FER: variants seen among roughly 807,000 people sequenced by gnomAD.
FER encodes the protein FER tyrosine kinase, also known as tyrosine-protein kinase Fer.
In FER, 63 loss-of-function variants were observed where a neutral mutation model predicts 111.0. That is an observed-to-expected ratio of 0.57 (90% CI 0.46 to 0.70). The LOEUF (loss-of-function observed/expected upper bound fraction) is 0.70. Among genes scored for constraint, FER ranks in the 30% least tolerant of loss-of-function variants. FER has a pLI of 0.00. For missense variants in FER, 914 were observed against 954.0 expected (o/e 0.96, Z 0.55); for synonymous variants, 327 against 313.9 (o/e 1.04, Z -0.44).
At chr5:109,079,792 A>C (rs1053754436) in intron 16 of FER, among the ~76,000 whole-genome samples, 1 of 152,118 alleles carries the variant, frequency 6.6e-6, no homozygotes, top group Non-Finnish European at 1.5e-5. Context: ...TTCCCTGCTT[A>C]AACTGCCCTG....
intron 13 of FER, among the ~76,000 whole-genome samples, chr5:108,999,732 G>A (rs1764474144): frequency 6.7e-6 from 1 of 149,078 alleles, no homozygotes; most frequent in South Asian, 2.1e-4. Flanking sequence ...CATCCTGGTA[G>A]GTATGGTTTC....
chr5:109,048,018 C>T (rs1772239903), intron 16 of FER, among the ~76,000 whole-genome samples: 1 of 152,018 alleles, frequency 6.6e-6, no homozygotes. Context: ...ATAAGCTTTA[C>T]AAATAGAGTA....
intron 18 of FER, among the ~76,000 whole-genome samples, chr5:109,181,337 G>T (rs1758272491): frequency 6.6e-6 from 1 of 152,164 alleles, no homozygotes; most frequent in African/African-American, 2.4e-5. Context: ...TAGCATCTCA[G>T]TCTGTGGAAC....
chr5:109,028,403 A>T (rs962867362), intron 13 of FER, among the ~76,000 whole-genome samples: 2 of 152,228 alleles, frequency 1.3e-5, no homozygotes, highest in East Asian at 1.9e-4. Context: ...TTTATAACCC[A>T]TTGTGTTTCA....
At chr5:108,867,117 A>T (rs1161212518) in intron 5 of FER, among the ~76,000 whole-genome samples, 1 of 151,998 alleles carries the variant, frequency 6.6e-6, no homozygotes. Context: ...CCATGTATTC[A>T]CTCAATATTG....
chr5:108,923,678 A>T (rs1366780108), intron 10 of FER, among the ~76,000 whole-genome samples: 1 of 152,168 alleles, frequency 6.6e-6, no homozygotes, highest in African/African-American at 2.4e-5. Flanking sequence ...CCGATTAAAC[A>T]TTTATGGTTT....
intron 3 of FER, among the ~76,000 whole-genome samples, chr5:108,823,253 A>C (rs927532629): frequency 2.4e-4 from 36 of 152,220 alleles, no homozygotes; most frequent in African/African-American, 8.4e-4. Context: ...ATGAGATTAC[A>C]GGTATCTTTT....
Position 109,194,329 on chromosome 5 carries a change from C to G in FER, c.*6754C>G, listed in dbSNP as rs987569716. 2.0e-5 allele frequency: 3 copies of G among 152,076 alleles called. No homozygotes were observed. The highest frequency in any genetic ancestry group is 1.3e-4 in the Admixed American group (2 of 15,266). The allele number at this position is 152,076 out of a possible 1,614,324, so 9.4% of individuals were successfully genotyped here. ...AGAAAAGAGGGCAGCAAATATGAAG[C>G]CTTAAGTTCAAAATAAGTCATTCTA... is the stretch of plus-strand genomic sequence containing the variant. On this transcript the variant is annotated 3_prime_UTR_variant, in exon 20 of 20. Transcript: ENST00000281092.
At chr5:108,895,846 T>G (rs1348502820) in intron 9 of FER, among the ~76,000 whole-genome samples, 1 of 152,190 alleles carries the variant, frequency 6.6e-6, no homozygotes, top group Non-Finnish European at 1.5e-5. Flanking sequence ...TTGAATTATA[T>G]TCAGATGTTC....
intron 1 of FER, among the ~76,000 whole-genome samples, chr5:108,766,987 A>G (rs887069270): frequency 6.6e-6 from 1 of 152,216 alleles, no homozygotes; most frequent in Non-Finnish European, 1.5e-5. Context: ...TTCAAGGATC[A>G]TACTTTGGCA....
intron 17 of FER, among the ~76,000 whole-genome samples, chr5:109,156,115 GA>G (rs935797034): frequency 2.0e-5 from 3 of 152,020 alleles, no homozygotes; most frequent in African/African-American, 7.2e-5. Context: ...GCTAAGAAAT[GA>G]TAAGATTTGT....
chr5:109,066,125 TTC>T (rs1775062624), intron 16 of FER, among the ~76,000 whole-genome samples: 1 of 152,218 alleles, frequency 6.6e-6, no homozygotes, highest in African/African-American at 2.4e-5. Context: ...CTTTTTCTTC[TTC>T]TGTGTTTGTC....
intron 17 of FER, among the ~76,000 whole-genome samples, chr5:109,121,113 T>C (rs956558203): frequency 3.3e-5 from 5 of 152,042 alleles, no homozygotes; most frequent in African/African-American, 1.2e-4. Flanking sequence ...TTGCTCTAGC[T>C]AGGAATTCCA....
chr5:108,863,974 T>C (rs1315441079), intron 5 of FER, among the ~76,000 whole-genome samples: 1 of 152,234 alleles, frequency 6.6e-6, no homozygotes. Flanking sequence ...CCTGCCACTC[T>C]AGTTTTAGAA....
chr5:109,165,593 GGTGTGTGTGTGTGTGTGTGTGT>G (rs66749153), intron 17 of FER, among the ~76,000 whole-genome samples: 4 of 142,350 alleles, frequency 2.8e-5, no homozygotes, highest in East Asian at 2.1e-4. Flanking sequence ...GGAGGGAACT[GGTGTGTGTGTGTGTGTGTGTGT>G]GTGTGTGTGT....
chr5:108,831,778 A>G lies in FER; in HGVS notation c.208-992A>G, dbSNP rs80150679. ...AATTTTGATTTTTGATTACATTGGA[A>G]TATTAACAGAAGGAAAATAATTCTG... On this transcript the variant is annotated intron_variant, in intron 3 of 19. Transcript: ENST00000281092. Among the ~76,000 whole-genome samples the G allele has an allele frequency of 6.6e-3, 1,001 of 152,350 alleles. 2 individuals are homozygous for G. Among genetic ancestry groups the G allele is most frequent in the Non-Finnish European group, 0.011 (774 of 68,030 alleles).
intron 13 of FER, among the ~76,000 whole-genome samples, chr5:108,966,240 A>T (rs1397881891): frequency 2.6e-5 from 4 of 152,164 alleles, no homozygotes; most frequent in African/African-American, 9.7e-5. Context: ...GGAAATGGGC[A>T]TAGGCAGGTA....
In FER at chr5:108,885,636, T is replaced by G. The variant is rs542142977; in HGVS notation, c.1046+2118T>G. Among the ~76,000 whole-genome samples the G allele has an allele frequency of 2.6e-5, 4 of 151,922 alleles. No individual in the cohort carries two copies. The South Asian group carries it at 8.3e-4, about 32-fold the overall frequency. ...AAGAGGGTAAGAGCTCCCCGGGATC[T>G]CTTTTATAATGGCACTAATCCCATT... On this transcript the variant is annotated intron_variant, in intron 9 of 19. Transcript: ENST00000281092.
chr5:108,873,513 T>C (rs1764806286), intron 8 of FER, among the ~76,000 whole-genome samples: 1 of 152,180 alleles, frequency 6.6e-6, no homozygotes, highest in Non-Finnish European at 1.5e-5. Flanking sequence ...CCGCAAATCA[T>C]GTGTACAAGA....
Sources: gnomAD v4.1 joint callset for allele counts (sites outside exome capture counted in the v4.1 genomes callset) on GRCh38, gnomAD v4.1.1 for gene constraint, MANE v1.5 for transcripts, NCBI Gene and HGNC (gene_info 2026-07-23, HGNC 2026-07-21) for gene names.